The following FRZB variants were observed in gnomAD, a reference collection of about 807,000 sequenced individuals.
The protein encoded by FRZB is frizzled related protein.
A neutral mutation model predicts 32.5 loss-of-function variants in FRZB; 34 were observed. That is an observed-to-expected ratio of 1.05 (90% confidence interval 0.80 to 1.39). The LOEUF (loss-of-function observed/expected upper bound fraction) is 1.39. FRZB is among the 40% of genes most tolerant of loss of function. The probability of loss-of-function intolerance (pLI) is 0.00; values close to 1 mark genes in which losing one functional copy is unlikely to be tolerated. For missense variants in FRZB, 423 were observed against 424.8 expected (o/e 1.00, Z 0.04); for synonymous variants, 170 against 159.2 (o/e 1.07, Z -0.51).
intron 1 of FRZB, among the ~76,000 whole-genome samples, chr2:182,864,698 G>T (rs941597263): frequency 6.6e-6 from 1 of 152,026 alleles, no homozygotes; most frequent in African/African-American, 2.4e-5. Flanking sequence ...ATGAGTCAAC[G>T]TGCACAGAAG....
rs764345574 is a variant in FRZB at position 182,858,804 on chromosome 2, A to G, written c.508T>C (p.Cys170Arg). 3 of 1,611,016 alleles carry G rather than the reference A, an allele frequency of 1.9e-6. No homozygotes were observed. The highest frequency in any genetic ancestry group is 2.5e-6 in the Non-Finnish European group (3 of 1,177,958). ...TACTCACCACTGCTTGCCCCTCTACAGTTTCCGTTACTAGAATCCATAGGA... is the reference window on the plus strand; with the variant it reads ...TACTCACCACTGCTTGCCCCTCTACGGTTTCCGTTACTAGAATCCATAGGA... ...DFPMDSSNGN[C>R]RGASSERCKC... is the part of the protein sequence containing the mutation. The change falls in exon 2 of 6, where the codon TGT (cysteine) becomes CGT (arginine). Residue 170 changes from cysteine to arginine, a missense_variant. Physicochemically the swap from Cys to Arg is radical, Grantham distance 180 (BLOSUM62 -3). Coordinates refer to ENST00000295113, the MANE Select transcript of FRZB (RefSeq NM_001463.4).
intron 2 of FRZB, among the ~76,000 whole-genome samples, chr2:182,854,297 A>T (rs1695742400): frequency 6.6e-6 from 1 of 152,144 alleles, no homozygotes; most frequent in Non-Finnish European, 1.5e-5. Flanking sequence ...GGTAAGATGG[A>T]ATAAGTAGAT....
At position 182,834,400 on chromosome 2, in the gene FRZB, A is replaced by C. The variant is rs1302868516; in HGVS notation, c.*449T>G. The C allele has an allele frequency of 6.4e-6, 1 of 157,304 alleles. No individual in the cohort carries two copies. The highest frequency in any genetic ancestry group is 1.4e-5 in the Non-Finnish European group (1 of 71,110). The allele number at this position is 157,304 out of a possible 1,614,324, so 9.7% of individuals were successfully genotyped here. A position where few individuals can be genotyped will look rare whatever the true frequency, so the allele number is the denominator to read the frequency against. On this transcript the variant is annotated 3_prime_UTR_variant, in exon 6 of 6. Coordinates refer to ENST00000295113, the MANE Select transcript of FRZB (RefSeq NM_001463.4). ...AGCATGAGGAGAATGCCCAAAAGGC[A>C]TACAAAAATAAGGCTGTAATTAGAT... is the stretch of plus-strand genomic sequence containing the variant.
intron 1 of FRZB, among the ~76,000 whole-genome samples, chr2:182,859,525 G>C (rs1409293557): frequency 6.6e-6 from 1 of 152,112 alleles, no homozygotes; most frequent in African/African-American, 2.4e-5. Context: ...GAGAGATGCT[G>C]TACCTAGCAA....
chr2:182,859,079 G>T (rs1208764066), intron 1 of FRZB, among the ~76,000 whole-genome samples: 2 of 151,756 alleles, frequency 1.3e-5, no homozygotes, highest in East Asian at 3.9e-4. Context: ...TAAAATTTTA[G>T]AATTTAATAA....
At chr2:182,849,188 C>T (rs1387469782) in intron 2 of FRZB, among the ~76,000 whole-genome samples, 1 of 151,788 alleles carries the variant, frequency 6.6e-6, no homozygotes, top group African/African-American at 2.4e-5. Flanking sequence ...GATCGCGCCA[C>T]TGCACTCCAG....
chr2:182,853,553 A>T (rs1410916206), intron 2 of FRZB, among the ~76,000 whole-genome samples: 17 of 152,222 alleles, frequency 1.1e-4, no homozygotes, highest in Non-Finnish European at 2.9e-5. Context: ...TATATAAAGT[A>T]ACAAAACAAT....
Position 182,834,539 on chromosome 2 carries a change from C to G in FRZB, c.*310G>C, listed in dbSNP as rs1253342790. On this transcript the variant is annotated 3_prime_UTR_variant, in exon 6 of 6. Transcript: ENST00000295113. ...CAGAAAGTAAATTAACATCTGGAGA[C>G]TCCAGCAAAGAGGCTCTGGTAACAG... 3.1e-6 allele frequency: 1 copy of G among 320,578 alleles called. No homozygotes were observed. Among genetic ancestry groups the G allele is most frequent in the African/African-American group, 2.1e-5 (1 of 47,324 alleles). 19.9% of individuals were successfully genotyped at this position (320,578 alleles called of 1,614,324 possible).
intron 1 of FRZB, among the ~76,000 whole-genome samples, chr2:182,864,551 A>G (rs1695869469): frequency 6.6e-6 from 1 of 152,334 alleles, no homozygotes; most frequent in East Asian, 1.9e-4. Flanking sequence ...TCTTGATTAA[A>G]ATCAAGAAGA....
chr2:182,858,762 C>T, intron 2 of FRZB, 24 bp downstream of exon 2: 1 of 1,574,228 alleles, frequency 6.4e-7, no homozygotes. Flanking sequence ...CAAATGAAAA[C>T]CAGGAAGATA....
At chr2:182,846,557 C>T (rs1252243378) in intron 2 of FRZB, among the ~76,000 whole-genome samples, 1 of 152,128 alleles carries the variant, frequency 6.6e-6, no homozygotes, top group East Asian at 1.9e-4. Flanking sequence ...TCAAGACTGA[C>T]CTTTTCTAAT....
intron 2 of FRZB, among the ~76,000 whole-genome samples, chr2:182,855,081 CT>C (rs1695753733): frequency 6.6e-6 from 1 of 152,114 alleles, no homozygotes; most frequent in East Asian, 1.9e-4. Flanking sequence ...ATGGAAGGTA[CT>C]TCGAAGGCTT....
Position 182,834,930 on chromosome 2 carries a change from A to G in FRZB, c.897T>C (p.Ser299=). The change falls in exon 6 of 6, where the codon AGT becomes AGC. Residue 299 remains serine, a synonymous_variant. Transcript: ENST00000295113. ...AATCACTATTGCTAGAATCACTTTT[A>G]CTGAGTCCAAGATGACGAAGCTTCA... is the stretch of plus-strand genomic sequence containing the variant. The part of the protein sequence containing the change: ...WDMKLRHLGL[S]KSDSSNSDST... The G allele has an allele frequency of 6.2e-7, 1 of 1,613,322 alleles. No homozygotes were observed. The highest frequency in any genetic ancestry group is 8.5e-7 in the Non-Finnish European group (1 of 1,179,504).
chr2:182,837,257 G>A (rs1447335868), intron 5 of FRZB, among the ~76,000 whole-genome samples: 1 of 151,816 alleles, frequency 6.6e-6, no homozygotes, highest in Non-Finnish European at 1.5e-5. Context: ...GAGTTATTTG[G>A]CTTAAAAATA....
chr2:182,846,927 C>T (rs544268053), intron 2 of FRZB, among the ~76,000 whole-genome samples: 2 of 152,308 alleles, frequency 1.3e-5, no homozygotes, highest in East Asian at 3.9e-4. Flanking sequence ...GACTCCATAA[C>T]TCTGGTGTAT....
chr2:182,844,071 C>T (rs1040030695), intron 2 of FRZB, among the ~76,000 whole-genome samples: 4 of 152,076 alleles, frequency 2.6e-5, no homozygotes, highest in East Asian at 1.9e-4. Flanking sequence ...ATAGCAGTCC[C>T]GAAAAGAGTA....
chr2:182,842,715 T>C (rs1695599637), intron 2 of FRZB, among the ~76,000 whole-genome samples, 172 bp from the exon 3 acceptor site: 1 of 152,160 alleles, frequency 6.6e-6, no homozygotes, highest in Admixed American at 6.5e-5. Flanking sequence ...TTATTCTATC[T>C]ACATGTCCTC....
chr2:182,861,179 A>C (rs1695827886), intron 1 of FRZB, among the ~76,000 whole-genome samples: 1 of 152,234 alleles, frequency 6.6e-6, no homozygotes, highest in African/African-American at 2.4e-5. Flanking sequence ...TTGTTCCTTT[A>C]ACTGCAATCT....
Position 182,858,769 on chromosome 2 carries a change from G to A in FRZB, c.526+17C>T. On this transcript the variant is annotated intron_variant, in intron 2 of 5. Transcript: ENST00000295113. ...TCTGACCACAAATGAAAACCAGGAA[G>A]ATAATGATATACTCACCACTGCTTG... 1.3e-6 allele frequency: 2 copies of A among 1,586,378 alleles called. No individual in the cohort carries two copies. Among genetic ancestry groups the A allele is most frequent in the South Asian group, 1.1e-5 (1 of 87,802 alleles).
Sources: gnomAD v4.1 joint callset for allele counts (sites outside exome capture counted in the v4.1 genomes callset) on GRCh38, gnomAD v4.1.1 for gene constraint, MANE v1.5 for transcripts, NCBI Gene and HGNC (gene_info 2026-07-23, HGNC 2026-07-21) for gene names.